Variants in PC observed in about 807,000 individuals in gnomAD.
The protein encoded by PC is pyruvate carboxylase.
PC carries 46 observed loss-of-function variants against 107.8 expected under a neutral mutation model. The ratio of observed to expected loss-of-function variants is 0.43; its 90% CI spans 0.34 to 0.55. PC has a LOEUF of 0.55. Among genes scored for constraint, PC ranks in the 20% least tolerant of loss-of-function variants. The pLI is 0.04. For missense variants in PC, 1,241 were observed against 1,643.1 expected, an observed-to-expected ratio of 0.76 and a Z score of 4.23; for synonymous variants, 662 against 684.7, an observed-to-expected ratio of 0.97 and a Z score of 0.52.
At chr11:66,946,590 C>T (rs1215021011) in intron 3 of PC, among the ~76,000 whole-genome samples, 1 of 152,058 alleles carries the variant, frequency 6.6e-6, no homozygotes, top group Admixed American at 6.6e-5. Context: ...AACCGCATTC[C>T]AGCCTGGGCA....
chr11:66,946,273 G>C (rs1245195751), intron 3 of PC, among the ~76,000 whole-genome samples: 2 of 151,910 alleles, frequency 1.3e-5, no homozygotes, highest in African/African-American at 4.8e-5. Context: ...GAGGCAGGTG[G>C]ATCGCATGAT....
At position 66,850,475 on chromosome 11, in the gene PC, G is replaced by A. The variant is rs375032142; in HGVS notation, c.2474-11C>T. The A allele has an allele frequency of 9.9e-6, 16 of 1,613,712 alleles. No individual in the cohort carries two copies. In the African/African-American group the frequency reaches 2.0e-4, roughly 20 times the overall value. On this transcript the variant is annotated splice_polypyrimidine_tract_variant and intron_variant, in intron 18 of 22. Coordinates refer to ENST00000393960, the MANE Select transcript of PC (RefSeq NM_001040716.2). ...GCTCCATGGGCACCTCTGCAGGGAG[G>A]CCAGAGTCAGAGGAGGCCTTAGAAA...
At chr11:66,868,429 A>T (rs1340213401) in intron 10 of PC, among the ~76,000 whole-genome samples, 1 of 152,254 alleles carries the variant, frequency 6.6e-6, no homozygotes, top group Non-Finnish European at 1.5e-5. Context: ...TCTCTATTGC[A>T]TCAAACTATG....
At chr11:66,850,170 G>A (rs556314018) in intron 19 of PC, 50 bp downstream of exon 19, 3 of 1,613,796 alleles carry the variant, frequency 1.9e-6, no homozygotes, top group Admixed American at 1.7e-5. Context: ...GAGGCCAGTG[G>A]CAGGTGCATG....
intron 3 of PC, among the ~76,000 whole-genome samples, chr11:66,916,897 T>G (rs192070777): frequency 3.7e-4 from 56 of 151,956 alleles, no homozygotes; most frequent in Non-Finnish European, 7.1e-4. Context: ...GAGTTTGTAG[T>G]GAGCCGAGAC....
At chr11:66,949,292 G>A (rs868222151) in intron 3 of PC, among the ~76,000 whole-genome samples, 3 of 151,404 alleles carry the variant, frequency 2.0e-5, no homozygotes, top group African/African-American at 7.3e-5. Flanking sequence ...CACCATGCCC[G>A]GCCAGAAGAA....
chr11:66,920,500 G>C (rs1215718414), intron 3 of PC, among the ~76,000 whole-genome samples: 6 of 152,180 alleles, frequency 3.9e-5, no homozygotes, highest in Admixed American at 6.5e-5. Context: ...ACTGGAGAAA[G>C]TGGCAGCCCC....
chr11:66,870,552 G>T lies in PC; in HGVS notation c.752-99C>A. The T allele has an allele frequency of 1.4e-6, 2 of 1,385,016 alleles. No individual in the cohort carries two copies. Among genetic ancestry groups the T allele is most frequent in the Non-Finnish European group, 2.0e-6 (2 of 993,402 alleles). The allele number at this position is 1,385,016 out of a possible 1,614,324, so 85.8% of individuals were successfully genotyped here. ...ATAACCACTGTCGCCAGTCAGTGCC[G>T]GCTGCCAGCGGTACAGAGGCTGCCA... On this transcript the variant is annotated intron_variant, in intron 8 of 22. Coordinates refer to ENST00000393960, the MANE Select transcript of PC (RefSeq NM_001040716.2). The surrounding 1 kb of genome is among the most constrained non-coding windows in gnomAD (Gnocchi z 6.1).
At chr11:66,946,401 C>G (rs978897110) in intron 3 of PC, among the ~76,000 whole-genome samples, 2 of 152,024 alleles carry the variant, frequency 1.3e-5, no homozygotes, top group Admixed American at 6.6e-5. Context: ...GAGACCAAGG[C>G]GGGCAGATCA....
chr11:66,876,154 G>A (rs1467576385), intron 3 of PC, among the ~76,000 whole-genome samples: 4 of 152,190 alleles, frequency 2.6e-5, no homozygotes, highest in South Asian at 4.1e-4. Context: ...AGGGGACAAC[G>A]ATACAATTTA....
At chr11:66,941,368 A>G (rs1416385885) in intron 3 of PC, among the ~76,000 whole-genome samples, 2 of 152,238 alleles carry the variant, frequency 1.3e-5, no homozygotes, top group Admixed American at 6.5e-5. Context: ...GCAAAGTCTC[A>G]AAGAGATATT....
At chr11:66,934,299 C>T (rs1266143397) in intron 3 of PC, 1 of 152,368 alleles carries the variant, frequency 6.6e-6, no homozygotes, top group East Asian at 1.9e-4. Flanking sequence ...TACGGTGTGT[C>T]CAAGTGTCAG....
chr11:66,915,988 C>T (rs1948454285), intron 3 of PC, among the ~76,000 whole-genome samples: 1 of 152,230 alleles, frequency 6.6e-6, no homozygotes, highest in Non-Finnish European at 1.5e-5. Flanking sequence ...ACTCCCTCTG[C>T]TTTGGTCCTT....
At chr11:66,929,809 G>A (rs1901376) in intron 3 of PC, among the ~76,000 whole-genome samples, 66,417 of 151,980 alleles carry the variant, frequency 0.44, 14,833 homozygotes, top group Middle Eastern at 0.49. Flanking sequence ...GAGCCACCAC[G>A]CCTGGCCAGA....
At chr11:66,894,480 T>TA (rs779078497) in intron 3 of PC, among the ~76,000 whole-genome samples, 10 of 152,354 alleles carry the variant, frequency 6.6e-5, no homozygotes, top group Non-Finnish European at 8.8e-5. Flanking sequence ...TATATATATA[T>TA]TTTTAAAGCT....
chr11:66,909,552 A>G (rs1033479652), intron 3 of PC, among the ~76,000 whole-genome samples: 5 of 152,144 alleles, frequency 3.3e-5, no homozygotes, highest in Non-Finnish European at 7.4e-5. Flanking sequence ...TGTCATCACC[A>G]CCACGTGTCC....
intron 12 of PC, 47 bp downstream of exon 12, chr11:66,863,727 C>T (rs760805961): frequency 1.3e-6 from 2 of 1,572,618 alleles, no homozygotes; most frequent in South Asian, 2.3e-5. Flanking sequence ...GTCAGGGGGC[C>T]CTCCAAGGGC....
Position 66,866,205 on chromosome 11 carries a change from C to G in PC, c.1167G>C (p.Pro389=), listed in dbSNP as rs556534486. ...CGCCCACCTCAATGCGGCCGGTGTC[C>G]GGCTGGAAGCTGCGCGCGGGGTCCT... The part of the protein sequence containing the change: ...TTEDPARSFQ[P]DTGRIEVFRS... Residue 389 remains proline (P), a synonymous_variant, in exon 11 of 23, where the codon CCG becomes CCC. Transcript: ENST00000393960. This position sits in a 1 kb window ranked among gnomAD's most constrained non-coding sequence, Gnocchi z 5.4. The G allele has an allele frequency of 6.2e-7, 1 of 1,609,878 alleles. No homozygotes were observed. The highest frequency in any genetic ancestry group is 8.5e-7 in the Non-Finnish European group (1 of 1,179,438).
intron 10 of PC, among the ~76,000 whole-genome samples, chr11:66,867,109 G>C (rs1479012779): frequency 6.6e-6 from 1 of 152,178 alleles, no homozygotes; most frequent in African/African-American, 2.4e-5. Flanking sequence ...AACCAGGCTG[G>C]GCACAGCAGG....
Sources: allele counts gnomAD v4.1 joint callset (sites outside exome capture counted in the v4.1 genomes callset), GRCh38; gene constraint gnomAD v4.1.1; non-coding constraint Gnocchi (gnomAD v3.1); transcripts MANE v1.5; gene names NCBI Gene and HGNC (gene_info 2026-07-23, HGNC 2026-07-21).